Variants in ALDH1A2 observed in about 807,000 individuals in gnomAD.
ALDH1A2 encodes aldehyde dehydrogenase 1 family member A2.
A neutral mutation model predicts 60.3 loss-of-function variants in ALDH1A2; 27 were observed. That is an observed-to-expected ratio of 0.45 (90% CI 0.33 to 0.62). The LOEUF is 0.62. Ranked by LOEUF, ALDH1A2 falls within the 20% of genes least tolerant of loss-of-function variation. The pLI is 0.02. For missense variants in ALDH1A2, 581 were observed against 643.8 expected (o/e 0.90, Z 1.06); for synonymous variants, 289 against 232.4 (o/e 1.24, Z -2.21).
Position 57,955,009 on chromosome 15 carries a change from G to A in ALDH1A2, c.*188C>T. 1.5e-6 allele frequency: 1 copy of A among 681,506 alleles called. No individual in the cohort carries two copies. Among genetic ancestry groups the A allele is most frequent in the Non-Finnish European group, 2.6e-6 (1 of 378,882 alleles). 42.2% of individuals were successfully genotyped at this position (681,506 alleles called of 1,614,324 possible). A position where few individuals can be genotyped will look rare whatever the true frequency, so the allele number is the denominator to read the frequency against. On this transcript the variant is annotated 3_prime_UTR_variant, in exon 13 of 13. Transcript: ENST00000249750. ...GGTATGATTAAGGTGGCCCCTTACA[G>A]AGTGCCAAGAAACTGTACCCAGCTG...
chr15:57,958,214 G>GCGCACACACACACACACACACA (rs67551670), intron 12 of ALDH1A2, among the ~76,000 whole-genome samples: 70 of 151,696 alleles, frequency 4.6e-4, no homozygotes, highest in Non-Finnish European at 8.2e-4. Context: ...GTACACGCAC[G>GCGCACACACACACACACACACA]CACACACACA....
chr15:57,970,987 C>T (rs985745803), intron 7 of ALDH1A2, among the ~76,000 whole-genome samples: 13 of 152,300 alleles, frequency 8.5e-5, no homozygotes, highest in African/African-American at 2.9e-4. Flanking sequence ...AGATTTGCAC[C>T]AGAAACAAAC....
rs1893437323 is a variant in ALDH1A2 at position 57,954,117 on chromosome 15, T to G, written c.*1080A>C. ...AAATGGAAAAGGAAACCCCTAGGCTTGGCCAGATTTTCCAAGGTCACTGCC... is the reference window on the plus strand; with the variant it reads ...AAATGGAAAAGGAAACCCCTAGGCTGGGCCAGATTTTCCAAGGTCACTGCC... On this transcript the variant is annotated 3_prime_UTR_variant, in exon 13 of 13. Coordinates refer to ENST00000249750, the MANE Select transcript of ALDH1A2 (RefSeq NM_003888.4). 6.6e-6 allele frequency: 1 copy of G among 152,354 alleles called. No individual in the cohort carries two copies. Among genetic ancestry groups the G allele is most frequent in the Non-Finnish European group, 1.5e-5 (1 of 68,064 alleles). The allele number at this position is 152,354 out of a possible 1,614,324, so 9.4% of individuals were successfully genotyped here.
chr15:58,025,607 A>C (rs1896059165), intron 1 of ALDH1A2, among the ~76,000 whole-genome samples: 1 of 152,232 alleles, frequency 6.6e-6, no homozygotes, highest in African/African-American at 2.4e-5. Context: ...AATCCTCCTG[A>C]AACTATTCAA....
rs761255309 is a variant in ALDH1A2, at chr15:57,954,172, T to C, written c.*1025A>G. 3.3e-5 allele frequency: 5 copies of C among 152,374 alleles called. No homozygotes were observed. The highest frequency in any genetic ancestry group is 5.9e-5 in the Non-Finnish European group (4 of 68,050). The allele number at this position is 152,374 out of a possible 1,614,324, so 9.4% of individuals were successfully genotyped here. A position where few individuals can be genotyped will look rare whatever the true frequency, so the allele number is the denominator to read the frequency against. ...GATACAGGGCACATTATGATAGATG[T>C]ACAGTGTGACAGACCAAAATCACAC... On this transcript the variant is annotated 3_prime_UTR_variant, in exon 13 of 13. Coordinates refer to ENST00000249750, the MANE Select transcript of ALDH1A2 (RefSeq NM_003888.4).
intron 12 of ALDH1A2, among the ~76,000 whole-genome samples, chr15:57,958,214 G>GCACACACA (rs113322985): frequency 2.6e-5 from 4 of 151,818 alleles, no homozygotes; most frequent in Middle Eastern, 3.4e-3. Context: ...GTACACGCAC[G>GCACACACA]CACACACACA....
chr15:57,971,122 C>T (rs1412700970), intron 7 of ALDH1A2, among the ~76,000 whole-genome samples: 1 of 152,218 alleles, frequency 6.6e-6, no homozygotes, highest in South Asian at 2.1e-4. Context: ...ACCATTCCCA[C>T]CACCACTCAC....
At chr15:58,055,857 T>A (rs1896881968) in intron 1 of ALDH1A2, among the ~76,000 whole-genome samples, 1 of 152,072 alleles carries the variant, frequency 6.6e-6, no homozygotes, top group South Asian at 2.1e-4. Flanking sequence ...ACTAACAGGA[T>A]GAAGTATATT....
chr15:57,964,541 G>C (rs1439750607), intron 8 of ALDH1A2: 1 of 166,964 alleles, frequency 6.0e-6, no homozygotes. Context: ...GTAATGTTTA[G>C]ACAGGTAAAC....
intron 8 of ALDH1A2, 54 bp downstream of exon 8, chr15:57,965,669 AAG>A (rs1248511715): frequency 7.9e-6 from 10 of 1,272,978 alleles, no homozygotes; most frequent in South Asian, 3.6e-5. Context: ...GGAGATATAA[AAG>A]AGAGCACCAA....
intron 1 of ALDH1A2, among the ~76,000 whole-genome samples, chr15:58,041,178 C>T (rs1334507503): frequency 6.6e-6 from 1 of 151,944 alleles, no homozygotes; most frequent in Non-Finnish European, 1.5e-5. Flanking sequence ...TCTCTGGACA[C>T]TCATCACCAA....
At chr15:57,967,569 C>G (rs963649706) in intron 7 of ALDH1A2, among the ~76,000 whole-genome samples, 61 of 152,176 alleles carry the variant, frequency 4.0e-4, no homozygotes, top group African/African-American at 1.4e-3. Flanking sequence ...TCCAATATCA[C>G]TCATTAACTG....
intron 4 of ALDH1A2, among the ~76,000 whole-genome samples, chr15:58,003,901 T>C (rs564507388): frequency 3.9e-5 from 6 of 152,046 alleles, no homozygotes; most frequent in Admixed American, 1.3e-4. Context: ...TTAGGATTTA[T>C]GGTCAGAGAC....
chr15:58,056,193 G>C (rs1019762887), intron 1 of ALDH1A2, among the ~76,000 whole-genome samples: 1 of 152,038 alleles, frequency 6.6e-6, no homozygotes, highest in African/African-American at 2.4e-5. Flanking sequence ...CCGCCTAGAG[G>C]TAAGTTTGTG....
chr15:57,997,282 G>C (rs1002736137), intron 4 of ALDH1A2, among the ~76,000 whole-genome samples: 1 of 151,952 alleles, frequency 6.6e-6, no homozygotes, highest in Non-Finnish European at 1.5e-5. Context: ...AAATTACCAT[G>C]CTTCTTCAAT....
rs147757955 is a variant in ALDH1A2, at chr15:57,965,706, G to C, written c.901+19C>G. ...AAGGGTGTGTGGTGGTTCATGTATG[G>C]GACCTGTAGTTGACTTACAGTCAGC... is the stretch of plus-strand genomic sequence containing the variant. On this transcript the variant is annotated intron_variant, in intron 8 of 12. Coordinates refer to ENST00000249750, the MANE Select transcript of ALDH1A2 (RefSeq NM_003888.4). The C allele has an allele frequency of 6.4e-7, 1 of 1,565,086 alleles. No individual in the cohort carries two copies. Among genetic ancestry groups the C allele is most frequent in the East Asian group, 2.2e-5 (1 of 44,654 alleles).
At chr15:58,058,052 C>T (rs868804283) in intron 1 of ALDH1A2, 1 of 1,534,034 alleles carries the variant, frequency 6.5e-7, no homozygotes. Flanking sequence ...AACAGTCTCA[C>T]ACTGATTCTT....
intron 12 of ALDH1A2, among the ~76,000 whole-genome samples, chr15:57,955,651 G>A (rs1323835121): frequency 6.6e-6 from 1 of 152,144 alleles, no homozygotes; most frequent in African/African-American, 2.4e-5. Context: ...TGTGGGCAGC[G>A]GTGGGACCAG....
intron 7 of ALDH1A2, among the ~76,000 whole-genome samples, chr15:57,972,495 C>T (rs1470327142): frequency 2.6e-5 from 4 of 152,050 alleles, no homozygotes; most frequent in Non-Finnish European, 4.4e-5. Context: ...ACTCTATGTC[C>T]CATTAACTAG....
Sources: allele counts gnomAD v4.1 joint callset (sites outside exome capture counted in the v4.1 genomes callset), GRCh38; gene constraint gnomAD v4.1.1; transcripts MANE v1.5; gene names NCBI Gene and HGNC (gene_info 2026-07-23, HGNC 2026-07-21).